The following SMOC2 variants were observed in gnomAD, a reference collection of about 807,000 sequenced individuals.
SMOC2 encodes the protein SPARC related modular calcium binding 2, also known as SPARC-related modular calcium-binding protein 2.
In SMOC2, 39 loss-of-function variants were observed where a neutral mutation model predicts 61.4. The ratio of observed to expected loss-of-function variants is 0.64; its 90% confidence interval spans 0.49 to 0.83. The LOEUF is 0.83. Ranked by LOEUF, SMOC2 falls within the 40% of genes least tolerant of loss-of-function variation. The probability of loss-of-function intolerance (pLI) is 0.00; values close to 1 mark genes in which losing one functional copy is unlikely to be tolerated. For synonymous variants in SMOC2, 247 were observed against 239.9 expected, an observed-to-expected ratio of 1.03 and a Z score of -0.27; for missense variants, 556 against 592.9, an observed-to-expected ratio of 0.94 and a Z score of 0.65.
At chr6:168,584,688 C>T (rs1216474906) in intron 7 of SMOC2, among the ~76,000 whole-genome samples, 1 of 152,190 alleles carries the variant, frequency 6.6e-6, no homozygotes, top group Non-Finnish European at 1.5e-5. Context: ...AATATTTTCT[C>T]ATCTCTTAGA....
intron 11 of SMOC2, among the ~76,000 whole-genome samples, chr6:168,662,097 A>C (rs941458534): frequency 1.3e-5 from 2 of 152,246 alleles, no homozygotes; most frequent in African/African-American, 4.8e-5. Flanking sequence ...AGAAATCAAC[A>C]GTTAATCAAG....
chr6:168,546,956 G>A (rs2115103504), intron 5 of SMOC2, 163 bp from the exon 6 acceptor site: 2 of 803,262 alleles, frequency 2.5e-6, no homozygotes, highest in Non-Finnish European at 2.2e-6. Flanking sequence ...AGTCATTCCA[G>A]CCGCAGCTGC....
intron 7 of SMOC2, among the ~76,000 whole-genome samples, chr6:168,595,976 T>G (rs947737658): frequency 6.6e-6 from 1 of 152,258 alleles, no homozygotes. Flanking sequence ...CTAATAAAAT[T>G]TCTGAAGAAG....
In SMOC2 at chr6:168,495,709, G is replaced by A. The variant is rs151051673; in HGVS notation, c.85-14206G>A. ...CCCCCTTTGGCCACAGGACACAGGC[G>A]TGACCCGGGTCACAGGGCTCTGCTA... On this transcript the variant is annotated intron_variant, in intron 1 of 12. Transcript: ENST00000356284. Among the ~76,000 whole-genome samples the A allele has an allele frequency of 6.1e-4, 93 of 152,244 alleles. 3 individuals carry two copies. In the East Asian group the frequency reaches 0.017, roughly 28 times the overall value.
chr6:168,592,107 G>A lies in SMOC2; in HGVS notation c.638-6711G>A, dbSNP rs116118681. 2.9e-3 allele frequency among the ~76,000 whole-genome samples: 439 copies of A among 152,298 alleles called. 3 individuals carry two copies. The highest frequency in any genetic ancestry group is 0.01 in the African/African-American group (420 of 41,574). On this transcript the variant is annotated intron_variant, in intron 7 of 12. Transcript: ENST00000356284. ...TCCACCTTGGTGTCCTGTGTCTACCGGTCCCTGTGTGGTCCTGCCGGTGAC... is the reference window on the plus strand; with the variant it reads ...TCCACCTTGGTGTCCTGTGTCTACCAGTCCCTGTGTGGTCCTGCCGGTGAC...
chr6:168,490,257 C>G (rs1442135192), intron 1 of SMOC2, among the ~76,000 whole-genome samples: 2 of 150,926 alleles, frequency 1.3e-5, no homozygotes, highest in Non-Finnish European at 3.0e-5. Context: ...TTGGATCACA[C>G]TGTTTTAGAA....
At chr6:168,448,685 G>A (rs1284389940) in intron 1 of SMOC2, among the ~76,000 whole-genome samples, 1 of 152,116 alleles carries the variant, frequency 6.6e-6, no homozygotes, top group Admixed American at 6.5e-5. Context: ...GAGGCAATGA[G>A]GCTTATGCAC....
At chr6:168,581,300 A>G (rs867513509) in intron 7 of SMOC2, among the ~76,000 whole-genome samples, 1 of 152,048 alleles carries the variant, frequency 6.6e-6, no homozygotes, top group Middle Eastern at 3.4e-3. Flanking sequence ...AAAATTAAGT[A>G]AAATCAATTC....
At chr6:168,559,297 A>G (rs1784336209) in intron 7 of SMOC2, among the ~76,000 whole-genome samples, 1 of 151,966 alleles carries the variant, frequency 6.6e-6, no homozygotes, top group Non-Finnish European at 1.5e-5. Flanking sequence ...CTCTACTAAA[A>G]ATACAAAATT....
At chr6:168,604,435 G>A (rs1248477716) in intron 8 of SMOC2, among the ~76,000 whole-genome samples, 1 of 152,146 alleles carries the variant, frequency 6.6e-6, no homozygotes, top group Non-Finnish European at 1.5e-5. Context: ...TATCTGATAA[G>A]CCACAGCCAG....
intron 9 of SMOC2, among the ~76,000 whole-genome samples, chr6:168,648,976 G>T (rs1235812843): frequency 6.6e-6 from 1 of 152,048 alleles, no homozygotes; most frequent in African/African-American, 2.4e-5. Flanking sequence ...TTGACCCAGG[G>T]GTGGTCCACG....
intron 1 of SMOC2, among the ~76,000 whole-genome samples, chr6:168,509,111 G>A (rs1395571998): frequency 6.6e-6 from 1 of 152,166 alleles, no homozygotes; most frequent in African/African-American, 2.4e-5. Context: ...AAACACACGG[G>A]GCCAGCACGC....
intron 12 of SMOC2, chr6:168,664,429 T>C: frequency 2.4e-6 from 1 of 422,262 alleles, no homozygotes; most frequent in Admixed American, 3.5e-5. Context: ...GAGAAGGGGT[T>C]CTGCCATGTT....
intron 1 of SMOC2, among the ~76,000 whole-genome samples, chr6:168,502,736 T>TTTAA (rs1782761784): frequency 2.0e-5 from 3 of 149,364 alleles, no homozygotes; most frequent in South Asian, 4.3e-4. Context: ...TTTTATTTTA[T>TTTAA]TTTAATTTAA....
intron 8 of SMOC2, among the ~76,000 whole-genome samples, chr6:168,599,482 A>G (rs1228473387): frequency 1.7e-4 from 12 of 68,718 alleles, no homozygotes; most frequent in Non-Finnish European, 3.0e-4. Flanking sequence ...CCCACACACA[A>G]TCATACCCCA....
intron 1 of SMOC2, among the ~76,000 whole-genome samples, chr6:168,473,950 A>G (rs1782022365): frequency 6.6e-6 from 1 of 152,076 alleles, no homozygotes; most frequent in Non-Finnish European, 1.5e-5. Context: ...CTTCCCAGCT[A>G]TATGACGTTA....
intron 9 of SMOC2, among the ~76,000 whole-genome samples, chr6:168,615,210 T>C (rs143108000): frequency 0.012 from 269 of 22,968 alleles, 2 homozygotes; most frequent in Non-Finnish European, 0.012. Flanking sequence ...AGGGCCTCTT[T>C]ATACCTACAG....
rs1425007171 is a variant in SMOC2, at chr6:168,535,279, A to G, written c.463+7552A>G. Among the ~76,000 whole-genome samples, 1 of 152,130 alleles carries G rather than the reference A, an allele frequency of 6.6e-6. No individual in the cohort carries two copies. The highest frequency in any genetic ancestry group is 1.5e-5 in the Non-Finnish European group (1 of 68,026). The stretch of plus-strand genomic sequence containing the variant: ...GCCACCGTGCCCAGCCTCCAGAGAT[A>G]TTTTATGTACATAAAAACAAGTATA... On this transcript the variant is annotated intron_variant, in intron 4 of 12. Coordinates refer to ENST00000356284, the MANE Select transcript of SMOC2 (RefSeq NM_001166412.2). This position sits in a 1 kb window ranked among gnomAD's most constrained non-coding sequence, Gnocchi z 4.6.
At chr6:168,468,620 C>T (rs1039077252) in intron 1 of SMOC2, among the ~76,000 whole-genome samples, 2 of 152,232 alleles carry the variant, frequency 1.3e-5, no homozygotes, top group Non-Finnish European at 2.9e-5. Context: ...CAGCAACCTC[C>T]ACCTCCCGGG....
Sources: allele counts gnomAD v4.1 joint callset (sites outside exome capture counted in the v4.1 genomes callset), GRCh38; gene constraint gnomAD v4.1.1; non-coding constraint Gnocchi (gnomAD v3.1); transcripts MANE v1.5; gene names NCBI Gene and HGNC (gene_info 2026-07-23, HGNC 2026-07-21).